Variants in FBXO22 observed in about 807,000 individuals in gnomAD.
FBXO22 encodes F-box protein 22, also known as F-box only protein 22.
FBXO22 carries 13 observed loss-of-function variants against 37.2 expected under a neutral mutation model. The observed-to-expected ratio is 0.35, with a 90% CI of 0.23 to 0.56. The LOEUF is 0.56. FBXO22 is among the 20% of genes least tolerant of loss of function. FBXO22 has a pLI of 0.87. For synonymous variants in FBXO22, 189 were observed against 189.1 expected (o/e 1.00, Z 0.00); for missense variants, 446 against 509.9 (o/e 0.87, Z 1.21).
intron 2 of FBXO22, among the ~76,000 whole-genome samples, chr15:75,909,203 T>C (rs940521270): frequency 3.3e-5 from 5 of 152,112 alleles, no homozygotes; most frequent in African/African-American, 9.7e-5. Context: ...ATAGGGGAGA[T>C]AGGGGACAAA....
chr15:75,939,486 TAAG>T lies in FBXO22; in HGVS notation c.*6390_*6392del, dbSNP rs890893575. On this transcript the variant is annotated 3_prime_UTR_variant, in exon 7 of 7. Transcript: ENST00000308275. ...GTTTTCATTTGTGAATTCTACCAAA[TAAG>T]AAGAAATAACCCCAATCCCTTCTAA... The T allele has an allele frequency of 1.3e-5, 2 of 152,080 alleles. No individual in the cohort carries two copies. Among genetic ancestry groups the T allele is most frequent in the African/African-American group, 4.8e-5 (2 of 41,432 alleles). The allele number at this position is 152,080 out of a possible 1,614,324, so 9.4% of individuals were successfully genotyped here. A position where few individuals can be genotyped will look rare whatever the true frequency, so the allele number is the denominator to read the frequency against.
chr15:75,930,264 CT>C lies in FBXO22; in HGVS notation c.794+217del, dbSNP rs3833815. On this transcript the variant is annotated intron_variant, in intron 6 of 6. Coordinates refer to ENST00000308275, the MANE Select transcript of FBXO22 (RefSeq NM_147188.3). ...TTTTATATATATTGTCCTTCAAGAA[CT>C]TCCTTGAGTCACATTCTCCTTAAAA... 804 of 1,418,150 alleles carry C rather than the reference CT, an allele frequency of 5.7e-4. 12 individuals carry two copies. The East Asian group carries it at 0.02, about 36-fold the overall frequency. The allele number at this position is 1,418,150 out of a possible 1,614,324, so 87.8% of individuals were successfully genotyped here.
intron 5 of FBXO22, among the ~76,000 whole-genome samples, chr15:75,925,891 A>G (rs1350505187): frequency 1.3e-5 from 2 of 152,080 alleles, no homozygotes; most frequent in African/African-American, 2.4e-5. Context: ...TGCTAAATTT[A>G]CCTAACAAGA....
intron 2 of FBXO22, 146 bp from the exon 3 acceptor site, chr15:75,913,057 C>G (rs542746382): frequency 2.0e-6 from 1 of 507,642 alleles, no homozygotes; most frequent in African/African-American, 1.9e-5. Context: ...TGTTCAGTTT[C>G]CATGTAGTTG....
At chr15:75,915,067 A>C (rs1464852913) in intron 4 of FBXO22, among the ~76,000 whole-genome samples, 3 of 152,166 alleles carry the variant, frequency 2.0e-5, no homozygotes, top group Admixed American at 2.0e-4. Flanking sequence ...TCCTGGATTC[A>C]AGCAATTCTC....
Position 75,926,784 on chromosome 15 carries a change from T to C in FBXO22, c.629-3100T>C, listed in dbSNP as rs529030319. On this transcript the variant is annotated intron_variant, in intron 5 of 6. Transcript: ENST00000308275. ...GAATGGTTACATTCCTGTGAGACTT[T>C]AGTTAGTACTCAGTAAATCTACACT... is the stretch of plus-strand genomic sequence containing the variant. Among the ~76,000 whole-genome samples the C allele has an allele frequency of 1.6e-4, 25 of 152,096 alleles. 2 individuals are homozygous for C. The South Asian group carries it at 4.4e-3, about 26-fold the overall frequency.
chr15:75,931,931 C>T (rs1314201433), intron 6 of FBXO22, among the ~76,000 whole-genome samples: 1 of 152,124 alleles, frequency 6.6e-6, no homozygotes, highest in Non-Finnish European at 1.5e-5. Flanking sequence ...TTAAAATTAT[C>T]CTCTGAGTGC....
At position 75,939,307 on chromosome 15, in the gene FBXO22, G is replaced by A. The variant is rs867710295; in HGVS notation, c.*6205G>A. 2.6e-5 allele frequency: 4 copies of A among 152,020 alleles called. No homozygotes were observed. Among genetic ancestry groups the A allele is most frequent in the South Asian group, 2.1e-4 (1 of 4,828 alleles). The allele number at this position is 152,020 out of a possible 1,614,324, so 9.4% of individuals were successfully genotyped here. On this transcript the variant is annotated 3_prime_UTR_variant, in exon 7 of 7. Coordinates refer to ENST00000308275, the MANE Select transcript of FBXO22 (RefSeq NM_147188.3). ...AAAAGGGTTATAGAAGAATACCTTCGACAATCTAGATGAAATGCTCAAAGT... is the reference window on the plus strand; with the variant it reads ...AAAAGGGTTATAGAAGAATACCTTCAACAATCTAGATGAAATGCTCAAAGT...
At chr15:75,932,377 G>A (rs2030060665) in intron 6 of FBXO22, among the ~76,000 whole-genome samples, 1 of 152,186 alleles carries the variant, frequency 6.6e-6, no homozygotes, top group African/African-American at 2.4e-5. Context: ...TTTTAAGGAA[G>A]TCAGAAAGGT....
intron 5 of FBXO22, among the ~76,000 whole-genome samples, chr15:75,922,157 C>T (rs558516288): frequency 7.9e-5 from 12 of 152,326 alleles, no homozygotes; most frequent in African/African-American, 2.9e-4. Context: ...CTGCAATAGG[C>T]TTGTTTACAA....
Position 75,941,197 on chromosome 15 carries a change from A to G in FBXO22, c.*8095A>G, listed in dbSNP as rs915173692. 6.6e-6 allele frequency: 1 copy of G among 152,112 alleles called. No homozygotes were observed. Among genetic ancestry groups the G allele is most frequent in the Non-Finnish European group, 1.5e-5 (1 of 67,968 alleles). 9.4% of individuals were successfully genotyped at this position (152,112 alleles called of 1,614,324 possible). On this transcript the variant is annotated 3_prime_UTR_variant, in exon 7 of 7. Coordinates refer to ENST00000308275, the MANE Select transcript of FBXO22 (RefSeq NM_147188.3). ...AGGAAAAAATGCTTAGCATCACTAAACAGTAAGGAAATGCAAATCAAAACC... is the reference window on the plus strand; with the variant it reads ...AGGAAAAAATGCTTAGCATCACTAAGCAGTAAGGAAATGCAAATCAAAACC...
intron 6 of FBXO22, among the ~76,000 whole-genome samples, chr15:75,931,478 C>G (rs1295043039): frequency 6.6e-6 from 1 of 152,116 alleles, no homozygotes; most frequent in African/African-American, 2.4e-5. Context: ...AATTCTGTAC[C>G]AAAGAGGAAA....
Position 75,934,026 on chromosome 15 carries a change from C to G in FBXO22, c.*924C>G, listed in dbSNP as rs1308934621. 1 of 153,022 alleles carries G rather than the reference C, an allele frequency of 6.5e-6. No individual in the cohort carries two copies. Among genetic ancestry groups the G allele is most frequent in the African/African-American group, 2.4e-5 (1 of 41,436 alleles). The allele number at this position is 153,022 out of a possible 1,614,324, so 9.5% of individuals were successfully genotyped here. On this transcript the variant is annotated 3_prime_UTR_variant, in exon 7 of 7. Coordinates refer to ENST00000308275, the MANE Select transcript of FBXO22 (RefSeq NM_147188.3). The stretch of plus-strand genomic sequence containing the variant: ...GAGAGCACCAATTTTCCTTCAATAT[C>G]CATTCTTTACTTTTCACATAATGAT...
At chr15:75,920,348 G>T (rs111497654) in intron 5 of FBXO22, among the ~76,000 whole-genome samples, 1 of 152,166 alleles carries the variant, frequency 6.6e-6, no homozygotes, top group Non-Finnish European at 1.5e-5. Context: ...CAGTCTGCCT[G>T]TAAAAGCATC....
intron 2 of FBXO22, among the ~76,000 whole-genome samples, chr15:75,911,004 CATTT>C (rs765742313): frequency 2.6e-5 from 4 of 152,152 alleles, no homozygotes; most frequent in Non-Finnish European, 2.9e-5. Context: ...TTCTGAACAC[CATTT>C]ATTAAATAGT....
intron 6 of FBXO22, 137 bp downstream of exon 6, chr15:75,930,186 A>T: frequency 6.7e-7 from 1 of 1,501,982 alleles, no homozygotes; most frequent in Non-Finnish European, 8.9e-7. Flanking sequence ...TGTAGTAGAC[A>T]TTGGCTAAGG....
chr15:75,910,079 C>T (rs1567051668), intron 2 of FBXO22, among the ~76,000 whole-genome samples: 4 of 152,172 alleles, frequency 2.6e-5, no homozygotes, highest in Non-Finnish European at 5.9e-5. Flanking sequence ...ATCCATGTCC[C>T]TGCAAAGGAC....
At chr15:75,919,091 G>A (rs961869424) in intron 5 of FBXO22, among the ~76,000 whole-genome samples, 8 of 151,986 alleles carry the variant, frequency 5.3e-5, no homozygotes, top group South Asian at 2.1e-4. Context: ...TCAGACTCCC[G>A]AGTAGCTGGG....
In FBXO22 at chr15:75,903,951, G is replaced by T; in HGVS notation, c.-13G>T. 1 of 1,538,102 alleles carries T rather than the reference G, an allele frequency of 6.5e-7. No homozygotes were observed. Among genetic ancestry groups the T allele is most frequent in the African/African-American group, 1.4e-5 (1 of 73,566 alleles). On this transcript the variant is annotated 5_prime_UTR_variant, in exon 1 of 7. Transcript: ENST00000308275. ...GAGCCGCCGTAGGACTGGTTCCGGCGGGCTGGTGAGGAATGGAGCCGGTAG... is the reference window on the plus strand; with the variant it reads ...GAGCCGCCGTAGGACTGGTTCCGGCTGGCTGGTGAGGAATGGAGCCGGTAG...
Sources: allele counts gnomAD v4.1 joint callset (sites outside exome capture counted in the v4.1 genomes callset), GRCh38; gene constraint gnomAD v4.1.1; transcripts MANE v1.5; gene names NCBI Gene and HGNC (gene_info 2026-07-23, HGNC 2026-07-21).